Variants in DRC8 observed in about 807,000 individuals in gnomAD.
The protein encoded by DRC8 is dynein regulatory complex subunit 8.
the DRC8 span, among the ~76,000 whole-genome samples, chr1:245,089,010 TCAC>T: frequency 3.3e-5 from 5 of 152,284 alleles, no homozygotes; most frequent in East Asian, 9.7e-4. This position sits in a 1 kb window ranked among gnomAD's most constrained non-coding sequence, Gnocchi z 4.8. Context: ...ATTCTGAAGA[TCAC>T]AGAGAAAGAT....
chr1:244,974,916 A>G, the DRC8 span, among the ~76,000 whole-genome samples: 1 of 149,178 alleles, frequency 6.7e-6, no homozygotes, highest in Admixed American at 6.7e-5. Flanking sequence ...CTGGTCTCAA[A>G]CTCTTTATTT....
chr1:245,014,031 C>CAAA, the DRC8 span, among the ~76,000 whole-genome samples: 59 of 92,972 alleles, frequency 6.3e-4, no homozygotes, highest in South Asian at 1.3e-3. Context: ...GACTCCATCT[C>CAAA]AAAAAAAAAA....
the DRC8 span, among the ~76,000 whole-genome samples, chr1:245,085,562 A>G: frequency 1.3e-5 from 2 of 152,230 alleles, no homozygotes; most frequent in Non-Finnish European, 2.9e-5. Context: ...GTTGGCAAAC[A>G]GCAGGAAATT....
At chr1:244,973,106 A>G in the DRC8 span, among the ~76,000 whole-genome samples, 8 of 152,194 alleles carry the variant, frequency 5.3e-5, no homozygotes, top group African/African-American at 1.7e-4. Flanking sequence ...GATTCACTCA[A>G]CTAAACTCAT....
the DRC8 span, among the ~76,000 whole-genome samples, chr1:245,050,327 T>C: frequency 6.6e-6 from 1 of 152,042 alleles, no homozygotes; most frequent in African/African-American, 2.4e-5. Flanking sequence ...CTCGAACTCC[T>C]GACCTCAGGT....
At chr1:245,026,298 C>T in the DRC8 span, among the ~76,000 whole-genome samples, 3 of 152,150 alleles carry the variant, frequency 2.0e-5, no homozygotes, top group African/African-American at 7.2e-5. Flanking sequence ...GTCTAAAATT[C>T]TGTAAGAAAT....
the DRC8 span, among the ~76,000 whole-genome samples, chr1:245,096,410 G>C: frequency 6.6e-6 from 1 of 152,278 alleles, no homozygotes; most frequent in African/African-American, 2.4e-5. Context: ...GGCTGTGACA[G>C]TGTTTCCTAA....
At chr1:244,987,234 T>C in the DRC8 span, among the ~76,000 whole-genome samples, 2 of 151,694 alleles carry the variant, frequency 1.3e-5, no homozygotes, top group Non-Finnish European at 1.5e-5. Context: ...GGAGTCTTGC[T>C]CTGTCGCTCT....
At chr1:245,013,164 C>A in the DRC8 span, among the ~76,000 whole-genome samples, 2 of 101,182 alleles carry the variant, frequency 2.0e-5, no homozygotes, top group Non-Finnish European at 4.2e-5. Flanking sequence ...AACAAACAAA[C>A]CACAGTAAAT....
chr1:244,970,651 GCCCCGC>G, the DRC8 span: 20 of 40,204 alleles, frequency 5.0e-4, no homozygotes, highest in East Asian at 0.083. Context: ...GCCCCGCCCC[GCCCCGC>G]CTCTCTCCCC....
the DRC8 span, among the ~76,000 whole-genome samples, chr1:244,977,379 T>C: frequency 6.6e-6 from 1 of 152,160 alleles, no homozygotes; most frequent in Non-Finnish European, 1.5e-5. Flanking sequence ...ATTTGGAAAT[T>C]TGTATTGAAG....
chr1:245,057,163 A>G, the DRC8 span, among the ~76,000 whole-genome samples: 1 of 152,160 alleles, frequency 6.6e-6, no homozygotes, highest in African/African-American at 2.4e-5. Flanking sequence ...TGATTGGGGC[A>G]TGAGTAGGTT....
chr1:245,063,625 T>G, the DRC8 span, among the ~76,000 whole-genome samples: 1 of 152,134 alleles, frequency 6.6e-6, no homozygotes, highest in Admixed American at 6.5e-5. Flanking sequence ...ATTTAAGAGG[T>G]GCATTTCATT....
chr1:245,076,578 A>G, the DRC8 span, among the ~76,000 whole-genome samples: 1 of 152,242 alleles, frequency 6.6e-6, no homozygotes, highest in Non-Finnish European at 1.5e-5. Flanking sequence ...AAGAAATGCA[A>G]TGACTTTGTA....
the DRC8 span, chr1:244,970,669 G>A: frequency 2.8e-6 from 1 of 352,318 alleles, no homozygotes; most frequent in Non-Finnish European, 4.6e-6. Flanking sequence ...TCTCTCCCCC[G>A]CCCCGCCCCG....
chr1:245,078,787 A>T, the DRC8 span, among the ~76,000 whole-genome samples: 1 of 152,236 alleles, frequency 6.6e-6, no homozygotes, highest in African/African-American at 2.4e-5. Flanking sequence ...CTTGAAATTT[A>T]CTAAGAGAGT....
chr1:245,123,322 C>G, the DRC8 span: 2 of 152,250 alleles, frequency 1.3e-5, no homozygotes, highest in African/African-American at 4.8e-5. The surrounding 1 kb of genome is among the most constrained non-coding windows in gnomAD (Gnocchi z 5.0). Flanking sequence ...GACACAGCAT[C>G]AACCTGACCA....
At chr1:245,096,110 T>A in the DRC8 span, among the ~76,000 whole-genome samples, 21 of 152,200 alleles carry the variant, frequency 1.4e-4, no homozygotes, top group Non-Finnish European at 2.6e-4. Flanking sequence ...TTTTTTCAGA[T>A]AGAAACAACA....
At chr1:245,000,454 T>C in the DRC8 span, among the ~76,000 whole-genome samples, 1 of 152,200 alleles carries the variant, frequency 6.6e-6, no homozygotes, top group East Asian at 1.9e-4. Context: ...GCTGCATTTG[T>C]GTAATTTGTT....
Sources: allele counts gnomAD v4.1 joint callset (sites outside exome capture counted in the v4.1 genomes callset), GRCh38; gene constraint gnomAD v4.1.1; non-coding constraint Gnocchi (gnomAD v3.1); transcripts MANE v1.5; gene names NCBI Gene and HGNC (gene_info 2026-07-23, HGNC 2026-07-21).